The following ODAD2 variants were observed in gnomAD, a reference collection of about 807,000 sequenced individuals.
ODAD2 encodes outer dynein arm-docking complex subunit 2.
In ODAD2, 89 loss-of-function variants were observed where a neutral mutation model predicts 106.8. The observed-to-expected ratio is 0.83, with a 90% CI of 0.70 to 0.99. ODAD2 has a LOEUF of 0.99. Among genes scored for constraint, ODAD2 ranks in the 50% least tolerant of loss-of-function variants. The pLI is 0.00. For synonymous variants in ODAD2, 404 were observed against 436.2 expected (o/e 0.93, Z 0.92); for missense variants, 1,168 against 1,238.5 (o/e 0.94, Z 0.85).
intron 19 of ODAD2, among the ~76,000 whole-genome samples, chr10:27,849,867 A>G (rs1268229545): frequency 6.6e-6 from 1 of 152,208 alleles, no homozygotes; most frequent in African/African-American, 2.4e-5. Context: ...AGCTACTCTA[A>G]AATAGGAGCT....
At chr10:27,995,202 A>C in intron 1 of ODAD2, 22 bp from the exon 2 acceptor site, 2 of 1,586,644 alleles carry the variant, frequency 1.3e-6, no homozygotes, top group Non-Finnish European at 1.7e-6. Context: ...CAGAAAGAGA[A>C]AGAGACAACA....
At chr10:27,846,287 C>A (rs1372829267) in intron 19 of ODAD2, among the ~76,000 whole-genome samples, 1 of 152,018 alleles carries the variant, frequency 6.6e-6, no homozygotes, top group East Asian at 1.9e-4. Flanking sequence ...AACCGCTCAA[C>A]TACATGGAAA....
intron 17 of ODAD2, among the ~76,000 whole-genome samples, chr10:27,865,859 CA>C (rs1840401723): frequency 6.6e-6 from 1 of 152,228 alleles, no homozygotes; most frequent in South Asian, 2.1e-4. Context: ...CTCTCTGTAA[CA>C]CGTTGCCTTA....
At chr10:27,899,784 G>A (rs1843076787) in intron 17 of ODAD2, among the ~76,000 whole-genome samples, 1 of 152,130 alleles carries the variant, frequency 6.6e-6, no homozygotes, top group Non-Finnish European at 1.5e-5. Context: ...TCTGGGCAGG[G>A]CATCTCTGAA....
intron 15 of ODAD2, among the ~76,000 whole-genome samples, chr10:27,936,024 C>A (rs533226074): frequency 1.3e-5 from 2 of 151,976 alleles, no homozygotes; most frequent in Non-Finnish European, 2.9e-5. Flanking sequence ...ATAAAAGTTC[C>A]ATTAGCCGAG....
At chr10:27,952,550 TC>T (rs112662687) in intron 10 of ODAD2, among the ~76,000 whole-genome samples, 2 of 152,100 alleles carry the variant, frequency 1.3e-5, no homozygotes, top group African/African-American at 4.8e-5. Context: ...TGCTTGCCCA[TC>T]CCCTTTCCCT....
chr10:27,875,068 T>C (rs1306209224), intron 17 of ODAD2, among the ~76,000 whole-genome samples: 1 of 152,224 alleles, frequency 6.6e-6, no homozygotes, highest in Non-Finnish European at 1.5e-5. Context: ...TTATTCTTTT[T>C]TCTCTAAACT....
intron 10 of ODAD2, among the ~76,000 whole-genome samples, chr10:27,951,769 A>C (rs1847342929): frequency 6.6e-6 from 1 of 152,142 alleles, no homozygotes; most frequent in South Asian, 2.1e-4. Flanking sequence ...ATTAATGTAC[A>C]AAAGAGTAGA....
chr10:27,976,889 A>G (rs1246494729), intron 7 of ODAD2, among the ~76,000 whole-genome samples: 1 of 152,230 alleles, frequency 6.6e-6, no homozygotes, highest in African/African-American at 2.4e-5. Context: ...TGGTGTAAAA[A>G]TAGAGAAATC....
chr10:27,929,071 A>ACAAGAAATT (rs1845442945), intron 16 of ODAD2, among the ~76,000 whole-genome samples: 1 of 152,210 alleles, frequency 6.6e-6, no homozygotes, highest in Admixed American at 6.5e-5. Context: ...AAGGTGTTAA[A>ACAAGAAATT]CAAGAAATTC....
chr10:27,936,805 T>C lies in ODAD2; in HGVS notation c.2173A>G (p.Asn725Asp). ...GLKPLASLLN[N>D]TDNKERLAAV... ...GCTAACCGCTCTTTATTGTCAGTGTTATTGAGTAGACTGGCCAAGGGCTTA... is the reference window on the plus strand; with the variant it reads ...GCTAACCGCTCTTTATTGTCAGTGTCATTGAGTAGACTGGCCAAGGGCTTA... The change falls in exon 15 of 20, where the codon AAC becomes GAC. Residue 725 changes from asparagine to aspartate, a missense_variant. Transcript: ENST00000305242. The C allele has an allele frequency of 6.2e-7, 1 of 1,614,024 alleles. No homozygotes were observed.
chr10:27,830,341 C>G (rs1837381177), intron 19 of ODAD2, among the ~76,000 whole-genome samples: 1 of 152,172 alleles, frequency 6.6e-6, no homozygotes, highest in African/African-American at 2.4e-5. Context: ...ACAATTGCCC[C>G]AAACCACTGC....
intron 19 of ODAD2, among the ~76,000 whole-genome samples, chr10:27,846,677 C>T (rs1384653292): frequency 7.5e-5 from 11 of 147,604 alleles, no homozygotes; most frequent in African/African-American, 2.3e-4. Context: ...AGACCACTAG[C>T]GAGACTAATA....
intron 16 of ODAD2, among the ~76,000 whole-genome samples, chr10:27,916,002 G>A (rs535289128): frequency 3.3e-5 from 5 of 152,294 alleles, no homozygotes; most frequent in African/African-American, 9.6e-5. Context: ...ATCTCTCTAA[G>A]TGTAGGGGGA....
intron 17 of ODAD2, among the ~76,000 whole-genome samples, chr10:27,899,846 T>G (rs1843080910): frequency 6.6e-6 from 1 of 152,122 alleles, no homozygotes; most frequent in Non-Finnish European, 1.5e-5. Context: ...CCCATCTCCC[T>G]GGGACAGAAC....
intron 19 of ODAD2, among the ~76,000 whole-genome samples, chr10:27,849,717 T>C (rs1384076750): frequency 6.6e-6 from 1 of 152,190 alleles, no homozygotes; most frequent in Non-Finnish European, 1.5e-5. Context: ...GATAATCTGA[T>C]TTTGCAAACT....
intron 7 of ODAD2, among the ~76,000 whole-genome samples, chr10:27,977,798 T>A (rs563274876): frequency 1.1e-4 from 17 of 152,252 alleles, no homozygotes; most frequent in African/African-American, 4.1e-4. Flanking sequence ...AAAGATGCAT[T>A]CAAGAACTGC....
chr10:27,892,033 C>A (rs1010383646), intron 17 of ODAD2, among the ~76,000 whole-genome samples: 1 of 152,054 alleles, frequency 6.6e-6, no homozygotes, highest in African/African-American at 2.4e-5. Context: ...GTTCAACTAC[C>A]CTTTTTCTCC....
Position 27,812,347 on chromosome 10 carries a change from A to AAT in ODAD2, c.*163_*164dup. ...TAAATAGAAACAAAAGTCTCCATGC[A>AAT]ATTTTCAGATGAAAAACATTCTGTG... On this transcript the variant is annotated 3_prime_UTR_variant, in exon 20 of 20. Transcript: ENST00000305242. 1 of 623,444 alleles carries AAT rather than the reference A, an allele frequency of 1.6e-6. No individual in the cohort carries two copies. Among genetic ancestry groups the AAT allele is most frequent in the Non-Finnish European group, 2.7e-6 (1 of 375,378 alleles). The allele number at this position is 623,444 out of a possible 1,614,324, so 38.6% of individuals were successfully genotyped here.
Sources: allele counts gnomAD v4.1 joint callset (sites outside exome capture counted in the v4.1 genomes callset), GRCh38; gene constraint gnomAD v4.1.1; transcripts MANE v1.5; gene names NCBI Gene and HGNC (gene_info 2026-07-23, HGNC 2026-07-21).